SEC22A: variants seen among roughly 807,000 people sequenced by gnomAD.
SEC22A encodes the protein vesicle-trafficking protein SEC22a.
In SEC22A, 22 loss-of-function variants were observed where a neutral mutation model predicts 35.3. The ratio of observed to expected loss-of-function variants is 0.62; its 90% CI spans 0.45 to 0.89. SEC22A has a LOEUF of 0.89. Ranked by LOEUF, SEC22A falls within the 40% of genes least tolerant of loss-of-function variation. The pLI is 0.00. For missense variants in SEC22A, 354 were observed against 362.5 expected, an observed-to-expected ratio of 0.98 and a Z score of 0.19; for synonymous variants, 119 against 129.5, an observed-to-expected ratio of 0.92 and a Z score of 0.55.
At chr3:123,217,100 A>G (rs553192565) in intron 2 of SEC22A, among the ~76,000 whole-genome samples, 1 of 152,272 alleles carries the variant, frequency 6.6e-6, no homozygotes, top group East Asian at 1.9e-4. Context: ...AAACATTGGG[A>G]TTACAGGTGT....
At chr3:123,226,393 T>C (rs941058252) in intron 4 of SEC22A, among the ~76,000 whole-genome samples, 4 of 152,232 alleles carry the variant, frequency 2.6e-5, no homozygotes, top group Non-Finnish European at 5.9e-5. Flanking sequence ...CCAGTTTAAC[T>C]GAGGTGAAAT....
intron 5 of SEC22A, among the ~76,000 whole-genome samples, 182 bp from the exon 6 acceptor site, chr3:123,259,342 C>T (rs1937822558): frequency 6.6e-6 from 1 of 152,128 alleles, no homozygotes; most frequent in Non-Finnish European, 1.5e-5. Context: ...ACCTCTACCT[C>T]ACACTCTTTA....
At chr3:123,270,613 T>TA (rs989573339) in intron 6 of SEC22A, among the ~76,000 whole-genome samples, 69 of 152,250 alleles carry the variant, frequency 4.5e-4, no homozygotes, top group African/African-American at 1.6e-3. Flanking sequence ...TAAATAACAG[T>TA]AAAAAATCTC....
chr3:123,264,213 T>C (rs999631320), intron 6 of SEC22A, among the ~76,000 whole-genome samples: 3 of 152,346 alleles, frequency 2.0e-5, no homozygotes, highest in Admixed American at 2.0e-4. Context: ...TCCAGCTTCA[T>C]TTACTTATTG....
At chr3:123,215,146 A>G (rs1443796932) in intron 2 of SEC22A, among the ~76,000 whole-genome samples, 1 of 152,244 alleles carries the variant, frequency 6.6e-6, no homozygotes, top group Non-Finnish European at 1.5e-5. Context: ...GTGAAGGGCT[A>G]TTAAATAGAG....
At chr3:123,205,203 G>A (rs967389549) in intron 1 of SEC22A, among the ~76,000 whole-genome samples, 7 of 152,138 alleles carry the variant, frequency 4.6e-5, no homozygotes, top group Admixed American at 2.0e-4. Flanking sequence ...ATTCATCCCC[G>A]TTTGTCAGGC....
intron 5 of SEC22A, among the ~76,000 whole-genome samples, chr3:123,253,743 T>G (rs1384328966): frequency 1.3e-5 from 2 of 151,264 alleles, no homozygotes; most frequent in Non-Finnish European, 1.5e-5. Flanking sequence ...AGAAAGAAAT[T>G]ATGTCCCTGC....
At position 123,244,414 on chromosome 3, in the gene SEC22A, C is replaced by T. The variant is rs372269016; in HGVS notation, c.542-1485C>T. Among the ~76,000 whole-genome samples the T allele has an allele frequency of 5.3e-5, 8 of 152,180 alleles. No homozygotes were observed. In the East Asian group the frequency reaches 1.4e-3, roughly 26 times the overall value. On this transcript the variant is annotated intron_variant, in intron 4 of 6. Transcript: ENST00000492595. ...TTATGCTTTTTAAAGGCTTTTATGCCTTTAAATGTATAGACGAATTAGATA... is the reference window on the plus strand; with the variant it reads ...TTATGCTTTTTAAAGGCTTTTATGCTTTTAAATGTATAGACGAATTAGATA...
intron 3 of SEC22A, among the ~76,000 whole-genome samples, chr3:123,224,625 G>A (rs1440124052): frequency 6.6e-6 from 1 of 152,058 alleles, no homozygotes; most frequent in Non-Finnish European, 1.5e-5. Flanking sequence ...GACCCTGTCT[G>A]TACAAAAATA....
At chr3:123,205,178 C>T (rs540356710) in intron 1 of SEC22A, among the ~76,000 whole-genome samples, 2 of 152,294 alleles carry the variant, frequency 1.3e-5, no homozygotes, top group South Asian at 4.1e-4. Flanking sequence ...TTAAGCCTGA[C>T]GTTGATCATT....
chr3:123,242,959 C>A (rs1260061609), intron 4 of SEC22A, among the ~76,000 whole-genome samples: 1 of 152,072 alleles, frequency 6.6e-6, no homozygotes, highest in East Asian at 1.9e-4. Context: ...TTAAGTATAA[C>A]CTTCATCATA....
chr3:123,218,771 C>T (rs554263971), intron 2 of SEC22A, among the ~76,000 whole-genome samples: 1 of 152,192 alleles, frequency 6.6e-6, no homozygotes, highest in East Asian at 1.9e-4. Flanking sequence ...GCATGATATA[C>T]TCAACAAATT....
chr3:123,220,249 CAT>C (rs138514091), intron 2 of SEC22A, among the ~76,000 whole-genome samples: 6,762 of 152,156 alleles, frequency 0.044, 236 homozygotes, highest in African/African-American at 0.096. Context: ...AAACTTCAGT[CAT>C]ATTAATGGAG....
intron 2 of SEC22A, among the ~76,000 whole-genome samples, chr3:123,212,038 G>A (rs994041874): frequency 6.6e-6 from 1 of 152,118 alleles, no homozygotes; most frequent in African/African-American, 2.4e-5. Flanking sequence ...GGGTGACAGA[G>A]CAAGACCCTG....
chr3:123,268,355 A>G (rs1477198682), intron 6 of SEC22A, among the ~76,000 whole-genome samples: 1 of 152,166 alleles, frequency 6.6e-6, no homozygotes, highest in Non-Finnish European at 1.5e-5. Flanking sequence ...CTTCAGCTCC[A>G]AGTCTGGGAT....
intron 1 of SEC22A, among the ~76,000 whole-genome samples, chr3:123,205,125 A>T (rs1256835301): frequency 6.6e-6 from 1 of 152,200 alleles, no homozygotes; most frequent in Non-Finnish European, 1.5e-5. Flanking sequence ...ATTGATGGAG[A>T]GACAGCTTAG....
chr3:123,208,761 A>C (rs1479070794), intron 1 of SEC22A: 1 of 161,782 alleles, frequency 6.2e-6, no homozygotes, highest in Non-Finnish European at 1.4e-5. Context: ...CTATATGTTA[A>C]GTGAAGCATA....
At chr3:123,235,597 G>A (rs1374277736) in intron 4 of SEC22A, among the ~76,000 whole-genome samples, 3 of 152,184 alleles carry the variant, frequency 2.0e-5, no homozygotes, top group Non-Finnish European at 2.9e-5. Context: ...GTAAAATTAT[G>A]CAGTCACTTT....
intron 5 of SEC22A, among the ~76,000 whole-genome samples, chr3:123,252,497 G>T (rs1053284106): frequency 6.6e-6 from 1 of 152,110 alleles, no homozygotes; most frequent in African/African-American, 2.4e-5. Context: ...AAGAGCAAAG[G>T]ACTTATTTGG....
Sources: allele counts gnomAD v4.1 joint callset (sites outside exome capture counted in the v4.1 genomes callset), GRCh38; gene constraint gnomAD v4.1.1; transcripts MANE v1.5; gene names NCBI Gene and HGNC (gene_info 2026-07-23, HGNC 2026-07-21).